TENM2: variants seen among roughly 807,000 people sequenced by gnomAD.
The protein encoded by TENM2 is teneurin-2.
TENM2 carries 52 observed loss-of-function variants against 245.2 expected under a neutral mutation model. The ratio of observed to expected loss-of-function variants is 0.21; its 90% CI spans 0.17 to 0.27. TENM2 has a LOEUF of 0.27. Ranked by LOEUF, TENM2 falls within the 10% of genes least tolerant of loss-of-function variation. TENM2 has a pLI of 1.00. For synonymous variants in TENM2, 1,363 were observed against 1,438.9 expected, an observed-to-expected ratio of 0.95 and a Z score of 1.19; for missense variants, 3,046 against 3,666.8, an observed-to-expected ratio of 0.83 and a Z score of 4.37.
chr5:167,394,662 C>T (rs955142316), intron 2 of TENM2, among the ~76,000 whole-genome samples: 3 of 151,804 alleles, frequency 2.0e-5, no homozygotes, highest in East Asian at 1.9e-4. Context: ...GGTGTGATCT[C>T]GGCTTAGGAG....
intron 2 of TENM2, among the ~76,000 whole-genome samples, chr5:167,426,303 AG>A (rs1434298807): frequency 6.6e-6 from 1 of 152,216 alleles, no homozygotes; most frequent in Non-Finnish European, 1.5e-5. Context: ...TATTTTAAAA[AG>A]TAATCTTACA....
At chr5:168,099,630 A>T (rs1330731884) in intron 9 of TENM2, among the ~76,000 whole-genome samples, 2 of 152,202 alleles carry the variant, frequency 1.3e-5, no homozygotes, top group Non-Finnish European at 2.9e-5. Context: ...TCTGCAAGAC[A>T]ATCATTAATA....
intron 2 of TENM2, among the ~76,000 whole-genome samples, chr5:167,837,367 C>T (rs149803627): frequency 0.013 from 1,998 of 152,230 alleles, 24 homozygotes; most frequent in Non-Finnish European, 0.02. Context: ...TATGAACCTA[C>T]TGCTGAATCA....
intron 12 of TENM2, among the ~76,000 whole-genome samples, chr5:168,147,787 G>A (rs2337129): frequency 0.13 from 20,065 of 152,096 alleles, 1,700 homozygotes; most frequent in Non-Finnish European, 0.18. Context: ...TTGGAGCTCC[G>A]GAAAAGCTAA....
At chr5:167,566,265 T>C (rs946096928) in intron 2 of TENM2, among the ~76,000 whole-genome samples, 6 of 152,100 alleles carry the variant, frequency 3.9e-5, no homozygotes, top group African/African-American at 1.4e-4. Context: ...CAGAATTTCT[T>C]TGCAAATCTT....
the TENM2 span, among the ~76,000 whole-genome samples, chr5:167,001,704 T>C: frequency 2.6e-5 from 4 of 152,160 alleles, no homozygotes; most frequent in Admixed American, 2.6e-4. Flanking sequence ...TTCCAAGTTA[T>C]CTATGAGAAC....
chr5:167,884,414 C>T (rs1174765246), intron 3 of TENM2, among the ~76,000 whole-genome samples: 11 of 152,196 alleles, frequency 7.2e-5, no homozygotes, highest in Admixed American at 6.5e-4. Flanking sequence ...AACTCGCTTT[C>T]CCTCAGCCCC....
the TENM2 span, among the ~76,000 whole-genome samples, chr5:167,048,718 T>C: frequency 9.2e-5 from 14 of 152,318 alleles, no homozygotes; most frequent in African/African-American, 3.1e-4. Context: ...TGCTGCTAAA[T>C]AAATGCCTAT....
chr5:167,819,033 G>A (rs1343339340), intron 2 of TENM2, among the ~76,000 whole-genome samples: 1 of 151,574 alleles, frequency 6.6e-6, no homozygotes, highest in Non-Finnish European at 1.5e-5. Flanking sequence ...TGGGTAGCTG[G>A]GTTGTATCAT....
chr5:167,664,098 G>A (rs1364580622), intron 2 of TENM2, among the ~76,000 whole-genome samples: 1 of 152,130 alleles, frequency 6.6e-6, no homozygotes, highest in Non-Finnish European at 1.5e-5. Context: ...TGGATATTTT[G>A]TGAGGCCTGA....
chr5:168,089,810 A>G (rs1792765974), intron 7 of TENM2, among the ~76,000 whole-genome samples: 1 of 152,206 alleles, frequency 6.6e-6, no homozygotes, highest in African/African-American at 2.4e-5. Flanking sequence ...AATGATAATA[A>G]CGATCATGAC....
chr5:167,876,018 C>T (rs146756155), exon 3 of TENM2: 2 of 1,551,476 alleles, frequency 1.3e-6, no homozygotes, highest in Non-Finnish European at 1.7e-6. Flanking sequence ...CTCGCCTAGT[C>T]TCCTCCCATC....
At chr5:167,046,669 C>T in the TENM2 span, among the ~76,000 whole-genome samples, 1 of 152,070 alleles carries the variant, frequency 6.6e-6, no homozygotes, top group South Asian at 2.1e-4. Context: ...GCTCTTTTCT[C>T]TGTCCTTTCA....
intron 2 of TENM2, among the ~76,000 whole-genome samples, chr5:167,507,523 T>C (rs570209319): frequency 6.6e-6 from 1 of 152,302 alleles, no homozygotes; most frequent in African/African-American, 2.4e-5. Context: ...TTCAGAAATA[T>C]CTGTCACCAC....
chr5:168,130,240 A>G (rs2152372773), intron 12 of TENM2: 1 of 152,344 alleles, frequency 6.6e-6, no homozygotes, highest in Non-Finnish European at 1.5e-5. Context: ...TGTAGTAGAG[A>G]TTGCTAAACA....
the TENM2 span, among the ~76,000 whole-genome samples, chr5:167,160,857 A>G: frequency 6.6e-6 from 1 of 152,210 alleles, no homozygotes; most frequent in Non-Finnish European, 1.5e-5. Context: ...AGCTCAGTAA[A>G]TATTGGTTGG....
chr5:167,640,480 T>C (rs888916961), intron 2 of TENM2, among the ~76,000 whole-genome samples: 3 of 151,878 alleles, frequency 2.0e-5, no homozygotes, highest in Admixed American at 1.3e-4. Flanking sequence ...TAGCCAGGTG[T>C]GGTGGCACAT....
Position 167,411,602 on chromosome 5 carries a change from G to GTGTA in TENM2, c.502+36132_502+36133insATGT, listed in dbSNP as rs1326729239. The stretch of plus-strand genomic sequence containing the variant: ...TGTGTGTGTGTGTGTGTGTGTGTGT[G>GTGTA]TGTGTGTATGTATGTGAGAGAGAGA... On this transcript the variant is annotated intron_variant, in intron 2 of 28. Coordinates refer to ENST00000518659, the Ensembl canonical transcript of TENM2. Among the ~76,000 whole-genome samples, 50 of 148,400 alleles carry GTGTA rather than the reference G, an allele frequency of 3.4e-4. 1 individual carries two copies. In the Middle Eastern group the frequency reaches 0.02, roughly 61 times the overall value.
At chr5:168,052,349 C>G (rs991918931) in intron 6 of TENM2, among the ~76,000 whole-genome samples, 4 of 151,440 alleles carry the variant, frequency 2.6e-5, no homozygotes, top group Non-Finnish European at 5.9e-5. Flanking sequence ...TGAGATCATG[C>G]CACTGCACTC....
Sources: allele counts gnomAD v4.1 joint callset (sites outside exome capture counted in the v4.1 genomes callset), GRCh38; gene constraint gnomAD v4.1.1; transcripts MANE v1.5; gene names NCBI Gene and HGNC (gene_info 2026-07-23, HGNC 2026-07-21).